SHISA9: variants seen among roughly 807,000 people sequenced by gnomAD.
SHISA9 encodes shisa family member 9.
A neutral mutation model predicts 38.0 loss-of-function variants in SHISA9; 13 were observed. That is an observed-to-expected ratio of 0.34 (90% CI 0.22 to 0.54). The LOEUF is 0.54. SHISA9 is among the 20% of genes least tolerant of loss of function. The probability of loss-of-function intolerance (pLI) is 0.91; values close to 1 mark genes in which losing one functional copy is unlikely to be tolerated. For synonymous variants in SHISA9, 275 were observed against 242.0 expected (o/e 1.14, Z -1.27); for missense variants, 538 against 575.8 (o/e 0.93, Z 0.67).
the SHISA9 span, among the ~76,000 whole-genome samples, chr16:13,400,146 T>C: frequency 1.8e-4 from 27 of 152,108 alleles, no homozygotes; most frequent in African/African-American, 6.3e-4. Context: ...ATTAAATGCT[T>C]CCTAGAGCAA....
intron 2 of SHISA9, among the ~76,000 whole-genome samples, chr16:12,977,826 AG>A (rs1163705172): frequency 7.9e-5 from 12 of 151,916 alleles, no homozygotes; most frequent in Non-Finnish European, 1.8e-4. Context: ...GAGGGTGGGG[AG>A]GGGGGAGAGT....
chr16:13,406,274 G>T, the SHISA9 span, among the ~76,000 whole-genome samples: 2 of 152,168 alleles, frequency 1.3e-5, no homozygotes, highest in African/African-American at 4.8e-5. Context: ...TAGAAAATCA[G>T]ATAGCTCACA....
the SHISA9 span, among the ~76,000 whole-genome samples, chr16:13,266,763 G>A: frequency 6.6e-6 from 1 of 152,142 alleles, no homozygotes; most frequent in African/African-American, 2.4e-5. Context: ...CATCTGCAGA[G>A]GCCCTTGCAC....
the SHISA9 span, among the ~76,000 whole-genome samples, chr16:13,464,858 A>T: frequency 6.6e-6 from 1 of 151,812 alleles, no homozygotes; most frequent in Non-Finnish European, 1.5e-5. Flanking sequence ...TCAGAAAAAT[A>T]AAGACATGAG....
intron 1 of SHISA9, chr16:12,902,869 A>T (rs1397502821): frequency 1.9e-5 from 8 of 425,188 alleles, no homozygotes; most frequent in East Asian, 8.6e-5. Flanking sequence ...TGTGTGTGTG[A>T]CTCTGCTCCC....
At chr16:13,424,376 G>A in the SHISA9 span, among the ~76,000 whole-genome samples, 1 of 152,198 alleles carries the variant, frequency 6.6e-6, no homozygotes, top group South Asian at 2.1e-4. Flanking sequence ...GCCACTTCTG[G>A]CCTTATCATC....
chr16:13,219,378 T>C (rs2051200854), intron 4 of SHISA9, among the ~76,000 whole-genome samples: 1 of 152,158 alleles, frequency 6.6e-6, no homozygotes, highest in Non-Finnish European at 1.5e-5. Context: ...TCTGAAAAGG[T>C]ACTGGGAAAT....
At chr16:13,016,964 C>G (rs1218191466) in intron 2 of SHISA9, among the ~76,000 whole-genome samples, 2 of 151,786 alleles carry the variant, frequency 1.3e-5, no homozygotes, top group African/African-American at 4.8e-5. Context: ...TACATGTATG[C>G]TGGGGTCTCT....
chr16:13,379,414 A>T, the SHISA9 span, among the ~76,000 whole-genome samples: 2 of 152,050 alleles, frequency 1.3e-5, no homozygotes, highest in Non-Finnish European at 2.9e-5. Context: ...TTCCCATCAG[A>T]GCTTTTCACG....
chr16:13,240,769 A>T (rs370617137), downstream of SHISA9, among the ~76,000 whole-genome samples: 63 of 152,214 alleles, frequency 4.1e-4, no homozygotes, highest in African/African-American at 1.5e-3. Flanking sequence ...GTCATAGAAG[A>T]CACAAATATT....
chr16:13,284,101 A>G, the SHISA9 span, among the ~76,000 whole-genome samples: 6 of 152,162 alleles, frequency 3.9e-5, no homozygotes, highest in African/African-American at 9.6e-5. Flanking sequence ...TTCATTGCAT[A>G]TATTTCAAAC....
intron 2 of SHISA9, among the ~76,000 whole-genome samples, chr16:13,020,406 T>C (rs1380297959): frequency 1.3e-5 from 2 of 152,170 alleles, no homozygotes; most frequent in Non-Finnish European, 2.9e-5. Flanking sequence ...CTCCCCCGTA[T>C]GTATCCATGT....
chr16:13,399,710 C>T, the SHISA9 span, among the ~76,000 whole-genome samples: 1 of 152,194 alleles, frequency 6.6e-6, no homozygotes, highest in East Asian at 1.9e-4. Flanking sequence ...GGTCTTCCAG[C>T]ACAGAAATGA....
At chr16:13,512,922 G>T in the SHISA9 span, among the ~76,000 whole-genome samples, 1 of 152,082 alleles carries the variant, frequency 6.6e-6, no homozygotes, top group East Asian at 1.9e-4. Context: ...GAAAACCTAG[G>T]CAATACCATT....
the SHISA9 span, among the ~76,000 whole-genome samples, chr16:13,403,166 T>C: frequency 2.0e-5 from 3 of 151,920 alleles, no homozygotes; most frequent in Non-Finnish European, 4.4e-5. Flanking sequence ...GTTTGTTGCA[T>C]TTTACCATAA....
At chr16:12,971,103 G>A (rs1423943725) in intron 2 of SHISA9, among the ~76,000 whole-genome samples, 1 of 152,154 alleles carries the variant, frequency 6.6e-6, no homozygotes, top group African/African-American at 2.4e-5. Flanking sequence ...AGGAAGCTAG[G>A]CATTGCTAAG....
chr16:12,939,913 A>G (rs1312299771), intron 2 of SHISA9, among the ~76,000 whole-genome samples: 1 of 152,156 alleles, frequency 6.6e-6, no homozygotes, highest in African/African-American at 2.4e-5. Context: ...ATATATTCAA[A>G]TTTGACAGCC....
chr16:13,062,910 A>C (rs1027076855), intron 2 of SHISA9, among the ~76,000 whole-genome samples: 6 of 151,978 alleles, frequency 3.9e-5, no homozygotes, highest in African/African-American at 1.4e-4. Flanking sequence ...CTGGCTCCCG[A>C]GGGAGAGACC....
chr16:13,424,685 G>C, the SHISA9 span, among the ~76,000 whole-genome samples: 1 of 152,168 alleles, frequency 6.6e-6, no homozygotes, highest in Non-Finnish European at 1.5e-5. Context: ...TAATGTCTCT[G>C]TTGCAGCTAT....
Sources: allele counts gnomAD v4.1 joint callset (sites outside exome capture counted in the v4.1 genomes callset), GRCh38; gene constraint gnomAD v4.1.1; transcripts MANE v1.5; gene names NCBI Gene and HGNC (gene_info 2026-07-23, HGNC 2026-07-21).